The following QSER1 variants were observed in gnomAD, a reference collection of about 807,000 sequenced individuals.
QSER1 encodes the protein glutamine and serine rich 1, also known as glutamine and serine-rich protein 1.
A neutral mutation model predicts 158.5 loss-of-function variants in QSER1; 49 were observed. That is an observed-to-expected ratio of 0.31 (90% CI 0.25 to 0.39). QSER1 has a LOEUF of 0.39. Ranked by LOEUF, QSER1 falls within the 10% of genes least tolerant of loss-of-function variation. The pLI is 1.00. For synonymous variants in QSER1, 650 were observed against 715.5 expected (o/e 0.91, Z 1.46); for missense variants, 1,754 against 2,010.3 (o/e 0.87, Z 2.44).
At chr11:32,968,737 A>G (rs1425816381) in intron 9 of QSER1, among the ~76,000 whole-genome samples, 1 of 152,228 alleles carries the variant, frequency 6.6e-6, no homozygotes, top group Non-Finnish European at 1.5e-5. Flanking sequence ...TATCAGTTCT[A>G]TTCAGTTAAA....
intron 1 of QSER1, among the ~76,000 whole-genome samples, chr11:32,911,010 C>T (rs554950339): frequency 3.4e-4 from 52 of 152,266 alleles, no homozygotes; most frequent in African/African-American, 1.3e-3. Flanking sequence ...TATAGCTGTG[C>T]TTGATTTATT....
intron 10 of QSER1, among the ~76,000 whole-genome samples, chr11:32,970,444 G>A (rs535599576): frequency 3.3e-5 from 5 of 152,114 alleles, no homozygotes; most frequent in African/African-American, 4.8e-5. Context: ...TTGTTCTTTC[G>A]CCGAGGCTGG....
chr11:32,905,076 G>T (rs1266608778), intron 1 of QSER1, among the ~76,000 whole-genome samples: 1 of 152,160 alleles, frequency 6.6e-6, no homozygotes, highest in African/African-American at 2.4e-5. Flanking sequence ...TTTGGCCTCT[G>T]TAAGTTAACA....
intron 4 of QSER1, among the ~76,000 whole-genome samples, chr11:32,953,482 T>G (rs949912503): frequency 6.6e-6 from 1 of 152,166 alleles, no homozygotes; most frequent in African/African-American, 2.4e-5. Context: ...TCCTCCTGAT[T>G]AGCTGAGACT....
rs571459186 is a variant in QSER1 at position 32,928,354 on chromosome 11, T to G, written c.484+231T>G. Among the ~76,000 whole-genome samples the G allele has an allele frequency of 3.3e-5, 5 of 152,244 alleles. No individual in the cohort carries two copies. The South Asian group carries it at 1.0e-3, about 32-fold the overall frequency. ...AAACTAGTAAGTTGACATTGAGGGG[T>G]AGATAATGATTAAAGAAGGTCTCAT... is the stretch of plus-strand genomic sequence containing the variant. On this transcript the variant is annotated intron_variant, in intron 3 of 12. Coordinates refer to ENST00000650167, the MANE Select transcript of QSER1 (RefSeq NM_001076786.3).
At chr11:32,908,942 G>A (rs750622187) in intron 1 of QSER1, among the ~76,000 whole-genome samples, 3 of 152,092 alleles carry the variant, frequency 2.0e-5, no homozygotes, top group African/African-American at 4.8e-5. Flanking sequence ...GGCAGATCTC[G>A]TGAGGTCAGA....
intron 1 of QSER1, among the ~76,000 whole-genome samples, chr11:32,919,908 T>C (rs1851880075): frequency 6.6e-6 from 1 of 152,236 alleles, no homozygotes; most frequent in Admixed American, 6.5e-5. Flanking sequence ...TCTTTTCAAA[T>C]AGCTTGTGTG....
intron 1 of QSER1, among the ~76,000 whole-genome samples, chr11:32,920,766 A>G (rs539943553): frequency 2.0e-5 from 3 of 152,324 alleles, no homozygotes; most frequent in Middle Eastern, 6.8e-3. Context: ...GATGCTGTAC[A>G]TTATTAGTCA....
At chr11:32,903,429 C>T (rs1033976766) in intron 1 of QSER1, among the ~76,000 whole-genome samples, 1 of 149,106 alleles carries the variant, frequency 6.7e-6, no homozygotes, top group Non-Finnish European at 1.5e-5. Flanking sequence ...AAAAGAAAAG[C>T]AGAATTAGGC....
chr11:32,913,113 A>G (rs1168420375), intron 1 of QSER1, among the ~76,000 whole-genome samples: 1 of 141,902 alleles, frequency 7.0e-6, no homozygotes, highest in Non-Finnish European at 1.5e-5. Context: ...AGGTCTTCAT[A>G]TATGTGATTT....
intron 8 of QSER1, among the ~76,000 whole-genome samples, 195 bp from the exon 9 acceptor site, chr11:32,966,102 ATTG>A (rs1379973395): frequency 6.6e-6 from 1 of 152,104 alleles, no homozygotes; most frequent in Non-Finnish European, 1.5e-5. Flanking sequence ...TTTTTGTTCT[ATTG>A]TTAACAAAGC....
At chr11:32,900,947 C>T (rs1259977331) in intron 1 of QSER1, among the ~76,000 whole-genome samples, 4 of 152,162 alleles carry the variant, frequency 2.6e-5, no homozygotes, top group African/African-American at 7.2e-5. Flanking sequence ...TTATATGTAT[C>T]GTTTATTACC....
intron 1 of QSER1, among the ~76,000 whole-genome samples, chr11:32,915,260 G>A (rs139277400): frequency 2.0e-5 from 3 of 152,040 alleles, no homozygotes; most frequent in Non-Finnish European, 2.9e-5. Context: ...TGACAGTGAC[G>A]GAAAGAAGAT....
intron 1 of QSER1, among the ~76,000 whole-genome samples, chr11:32,895,115 GTTAT>G (rs1430760463): frequency 6.6e-6 from 1 of 152,198 alleles, no homozygotes; most frequent in Non-Finnish European, 1.5e-5. Flanking sequence ...TTTTCCAAAT[GTTAT>G]TTATCAGAGT....
chr11:32,927,491 T>C (rs1961248), intron 2 of QSER1, among the ~76,000 whole-genome samples: 116,270 of 152,016 alleles, frequency 0.76, 45,562 homozygotes, highest in East Asian at 0.99. Flanking sequence ...GACTGCAACC[T>C]CCACCTCCCG....
rs146251014 is a variant in QSER1, at chr11:32,974,143, A to G, written c.5358+594A>G. ...TCACAGCAAAAATGTATTCAGGGCT[A>G]AGCACAATGGCTCAAGCCTATAATC... On this transcript the variant is annotated intron_variant, in intron 11 of 12. Transcript: ENST00000650167. Among the ~76,000 whole-genome samples, 386 of 152,360 alleles carry G rather than the reference A, an allele frequency of 2.5e-3. 4 individuals are homozygous for G. The highest frequency in any genetic ancestry group is 9.1e-3 in the African/African-American group (377 of 41,590).
chr11:32,974,121 C>T (rs1410499201), intron 11 of QSER1, among the ~76,000 whole-genome samples: 1 of 152,184 alleles, frequency 6.6e-6, no homozygotes, highest in Admixed American at 6.5e-5. Flanking sequence ...ATCAACTTCA[C>T]AGCAAAAATG....
intron 1 of QSER1, among the ~76,000 whole-genome samples, chr11:32,906,597 A>G (rs1851697608): frequency 1.3e-5 from 2 of 151,882 alleles, no homozygotes; most frequent in Non-Finnish European, 2.9e-5. Flanking sequence ...TGTTCATTGT[A>G]GAGATGGGGT....
intron 4 of QSER1, among the ~76,000 whole-genome samples, chr11:32,946,238 G>A (rs909603477): frequency 2.6e-5 from 4 of 152,184 alleles, no homozygotes; most frequent in Non-Finnish European, 5.9e-5. Context: ...CTCTCAGCTC[G>A]TCAAAGTCAT....
Sources: allele counts gnomAD v4.1 joint callset (sites outside exome capture counted in the v4.1 genomes callset), GRCh38; gene constraint gnomAD v4.1.1; transcripts MANE v1.5; gene names NCBI Gene and HGNC (gene_info 2026-07-23, HGNC 2026-07-21).